The following CCT5 variants were observed in gnomAD, a reference collection of about 807,000 sequenced individuals.
The protein encoded by CCT5 is T-complex protein 1 subunit epsilon.
Under a neutral mutation model 55.0 loss-of-function variants are expected in CCT5, and 6 were observed. That is an observed-to-expected ratio of 0.11 (90% CI 0.06 to 0.22). The LOEUF (loss-of-function observed/expected upper bound fraction) is 0.22. CCT5 is among the 10% of genes least tolerant of loss of function. The probability of loss-of-function intolerance (pLI) is 1.00; values close to 1 mark genes in which losing one functional copy is unlikely to be tolerated. For missense variants in CCT5, 560 were observed against 694.6 expected (o/e 0.81, Z 2.18); for synonymous variants, 231 against 243.7 (o/e 0.95, Z 0.49).
intron 4 of CCT5, among the ~76,000 whole-genome samples, chr5:10,256,405 G>T (rs1485373156): frequency 6.6e-6 from 1 of 152,144 alleles, no homozygotes; most frequent in Non-Finnish European, 1.5e-5. Context: ...TTTTAATTTA[G>T]CAGAATAGGT....
At position 10,264,850 on chromosome 5, in the gene CCT5, A is replaced by T; in HGVS notation, c.*67A>T. The T allele has an allele frequency of 6.3e-7, 1 of 1,593,636 alleles. No homozygotes were observed. The highest frequency in any genetic ancestry group is 1.1e-5 in the South Asian group (1 of 90,142). On this transcript the variant is annotated 3_prime_UTR_variant, in exon 11 of 11. Coordinates refer to ENST00000280326, the MANE Select transcript of CCT5 (RefSeq NM_012073.5). ...TAAGTAAATGGATGTCTCGTGATGC[A>T]TCTACAGTTATTTATTGTTACATCC... is the stretch of plus-strand genomic sequence containing the variant.
chr5:10,256,817 C>T lies in CCT5; in HGVS notation c.530+664C>T, dbSNP rs190505136. ...TTCCACTTTTTATTCAGCAAATTGCCGATCCAAAATTATAATTTAGTAAAG... is the reference window on the plus strand; with the variant it reads ...TTCCACTTTTTATTCAGCAAATTGCTGATCCAAAATTATAATTTAGTAAAG... On this transcript the variant is annotated intron_variant, in intron 4 of 10. Transcript: ENST00000280326. Among the ~76,000 whole-genome samples the T allele has an allele frequency of 3.6e-3, 544 of 152,242 alleles. 8 individuals are homozygous for T. Among genetic ancestry groups the T allele is most frequent in the Non-Finnish European group, 1.9e-3 (128 of 68,020 alleles).
At chr5:10,257,501 CATT>C (rs1272137349) in intron 4 of CCT5, among the ~76,000 whole-genome samples, 7 of 152,192 alleles carry the variant, frequency 4.6e-5, no homozygotes, top group African/African-American at 1.4e-4. Context: ...TGATTTCAGA[CATT>C]ATTTCAAGTG....
chr5:10,262,811 G>C (rs1014434436), intron 9 of CCT5, among the ~76,000 whole-genome samples, 193 bp downstream of exon 9: 2 of 152,198 alleles, frequency 1.3e-5, no homozygotes, highest in African/African-American at 4.8e-5. Flanking sequence ...GCATTTCTCA[G>C]CTGTTTTCAG....
chr5:10,250,456 AG>A lies in CCT5; in HGVS notation c.105+14del, dbSNP rs1561041205. ...CTTGAGGCCCTCAAGGTAATGGCACAGGGACCTGCTCGCGGTGGGCTAAGGG... is the reference window on the plus strand; with the variant it reads ...CTTGAGGCCCTCAAGGTAATGGCACAGGACCTGCTCGCGGTGGGCTAAGGG... On this transcript the variant is annotated intron_variant, in intron 1 of 10. Transcript: ENST00000280326. 6.2e-7 allele frequency: 1 copy of A among 1,612,360 alleles called. No homozygotes were observed.
Position 10,250,616 on chromosome 5 carries a change from C to G in CCT5, c.105+171C>G, listed in dbSNP as rs2607300. The stretch of plus-strand genomic sequence containing the variant: ...CAGCCCGCTTACTGAGCTCGGGAGA[C>G]GCCGGCGCCTAATCCTGGGCTCGGA... On this transcript the variant is annotated intron_variant, in intron 1 of 10. Transcript: ENST00000280326. 1,190,262 of 1,440,134 alleles carry G rather than the reference C, an allele frequency of 0.83. 498,495 individuals carry two copies. The highest frequency in any genetic ancestry group is 0.89 in the East Asian group (35,403 of 39,852). The allele number at this position is 1,440,134 out of a possible 1,614,324, so 89.2% of individuals were successfully genotyped here.
intron 1 of CCT5, among the ~76,000 whole-genome samples, chr5:10,253,321 A>G (rs1745521515): frequency 1.7e-5 from 1 of 60,576 alleles, no homozygotes; most frequent in Non-Finnish European, 3.2e-5. Context: ...ACACAGCAAG[A>G]CTGTCTCAAA....
intron 9 of CCT5, among the ~76,000 whole-genome samples, chr5:10,262,848 T>TATA (rs1465415588): frequency 6.6e-6 from 1 of 152,256 alleles, no homozygotes; most frequent in Non-Finnish European, 1.5e-5. Flanking sequence ...ATAATAAATC[T>TATA]ATAGTCTTTT....
rs79622407 is a variant in CCT5, at chr5:10,260,787, C to A, written c.874-5C>A. ...TTAATACGATTGTGGTGGTTCTTTT[C>A]CCAGATTAAAGAGACTGGTGCTAAC... On this transcript the variant is annotated splice_region_variant and splice_polypyrimidine_tract_variant and intron_variant, in intron 6 of 10. Transcript: ENST00000280326. 1 of 1,613,232 alleles carries A rather than the reference C, an allele frequency of 6.2e-7. No homozygotes were observed. The highest frequency in any genetic ancestry group is 1.1e-5 in the South Asian group (1 of 91,030).
rs763021273 is a variant in CCT5 at position 10,256,065 on chromosome 5, C to T, written c.442C>T (p.Leu148=). The part of the protein sequence containing the change: ...EQAARVAIEH[L]DKISDSVLVD... Reference sequence around the variant, plus strand: ...GGCTGCTCGTGTTGCTATTGAACACCTGGACAAGATCAGCGATAGCGTCCT... The same window carrying T: ...GGCTGCTCGTGTTGCTATTGAACACTTGGACAAGATCAGCGATAGCGTCCT... Residue 148 remains leucine, a synonymous_variant, in exon 4 of 11, where the codon CTG becomes TTG. Coordinates refer to ENST00000280326, the MANE Select transcript of CCT5 (RefSeq NM_012073.5). 6.2e-7 allele frequency: 1 copy of T among 1,614,002 alleles called. No homozygotes were observed. Among genetic ancestry groups the T allele is most frequent in the Non-Finnish European group, 8.5e-7 (1 of 1,179,984 alleles).
At chr5:10,263,387 G>A in intron 10 of CCT5, 73 bp downstream of exon 10, 2 of 1,345,206 alleles carry the variant, frequency 1.5e-6, no homozygotes, top group Non-Finnish European at 2.1e-6. Flanking sequence ...TCCACTGTAT[G>A]TGCTGTGAGA....
At chr5:10,257,745 T>C (rs1745754221) in intron 4 of CCT5, 1 of 341,534 alleles carries the variant, frequency 2.9e-6, no homozygotes. Context: ...CCCATTCTGT[T>C]CTGAACTTGT....
At chr5:10,254,076 A>G in intron 1 of CCT5, 69 bp from the exon 2 acceptor site, 1 of 1,019,890 alleles carries the variant, frequency 9.8e-7, no homozygotes, top group African/African-American at 1.6e-5. Context: ...TTTTGTAGTC[A>G]TCAGATGTGT....
chr5:10,256,209 C>T (rs1745670535), intron 4 of CCT5, 56 bp downstream of exon 4: 73 of 1,473,280 alleles, frequency 5.0e-5, no homozygotes, highest in Non-Finnish European at 6.6e-5. Flanking sequence ...GTTTGTTTGC[C>T]ATTTCTTAAA....
In CCT5 at chr5:10,255,949, T is replaced by A; in HGVS notation, c.332-6T>A. The A allele has an allele frequency of 6.2e-7, 1 of 1,613,984 alleles. No individual in the cohort carries two copies. The highest frequency in any genetic ancestry group is 8.5e-7 in the Non-Finnish European group (1 of 1,179,860). On this transcript the variant is annotated splice_polypyrimidine_tract_variant and splice_region_variant and intron_variant, in intron 3 of 10. Transcript: ENST00000280326. ...CTGAACTGATTGTCTGCTGGCTTATTTGCAGTCCTGGCTGGTGCCTTGTTA... is the reference window on the plus strand; with the variant it reads ...CTGAACTGATTGTCTGCTGGCTTATATGCAGTCCTGGCTGGTGCCTTGTTA...
In CCT5 at chr5:10,262,602, G is replaced by T; in HGVS notation, c.1301G>T (p.Ser434Ile). The T allele has an allele frequency of 6.2e-7, 1 of 1,614,252 alleles. No homozygotes were observed. Among genetic ancestry groups the T allele is most frequent in the Non-Finnish European group, 8.5e-7 (1 of 1,180,044 alleles). ...GAGATATCCTGTGCCCTGGCAGTTAGCCAAGAGGCGGATAAGGTAAGGGAT... is the reference window on the plus strand; with the variant it reads ...GAGATATCCTGTGCCCTGGCAGTTATCCAAGAGGCGGATAAGGTAAGGGAT... ...AAEISCALAVSQEADKCPTLE... is the reference protein window; with the variant it reads ...AAEISCALAVIQEADKCPTLE... Residue 434 changes from serine (S) to isoleucine (I), a missense_variant, in exon 9 of 11, where the codon AGC (serine) becomes ATC (isoleucine). Physicochemically the swap from Ser to Ile is moderately radical, Grantham distance 142. This residue lies in a region of CCT5 where 256 missense variants were observed against 372.4 expected (regional missense o/e 0.69). Coordinates refer to ENST00000280326, the MANE Select transcript of CCT5 (RefSeq NM_012073.5).
Position 10,260,922 on chromosome 5 carries a change from C to G in CCT5, c.993+11C>G, listed in dbSNP as rs1447680567. 6.2e-7 allele frequency: 1 copy of G among 1,613,652 alleles called. No homozygotes were observed. Among genetic ancestry groups the G allele is most frequent in the Non-Finnish European group, 8.5e-7 (1 of 1,179,788 alleles). On this transcript the variant is annotated intron_variant, in intron 7 of 10. Transcript: ENST00000280326. Reference sequence around the variant, plus strand: ...GGACCTGAAATTGAGGTAGGATGTTCCACGTGAAGAGACTTTGAGAAGTAG... The same window carrying G: ...GGACCTGAAATTGAGGTAGGATGTTGCACGTGAAGAGACTTTGAGAAGTAG...
intron 3 of CCT5, chr5:10,255,101 A>G: frequency 2.1e-6 from 1 of 478,964 alleles, no homozygotes; most frequent in Non-Finnish European, 3.8e-6. Flanking sequence ...TTAAGCTATA[A>G]AGGATGTTTG....
At chr5:10,254,919 GTC>G in intron 3 of CCT5, 81 bp downstream of exon 3, 3 of 1,166,802 alleles carry the variant, frequency 2.6e-6, no homozygotes, top group Non-Finnish European at 3.9e-6. Context: ...TGAGATTGTT[GTC>G]TCTGAATCAG....
Sources: allele counts gnomAD v4.1 joint callset (sites outside exome capture counted in the v4.1 genomes callset), GRCh38; gene constraint gnomAD v4.1.1; regional missense constraint gnomAD v4.1.1; transcripts MANE v1.5; gene names NCBI Gene and HGNC (gene_info 2026-07-23, HGNC 2026-07-21).